Variants in MEI4 observed in about 807,000 individuals in gnomAD.
MEI4 encodes the protein meiotic double-stranded break formation protein 4, also known as meiosis-specific protein MEI4.
MEI4 carries 27 observed loss-of-function variants against 31.4 expected under a neutral mutation model. The ratio of observed to expected loss-of-function variants is 0.86; its 90% CI spans 0.63 to 1.19. The LOEUF (loss-of-function observed/expected upper bound fraction) is 1.19, where lower values mean the gene tolerates loss of function less well. Ranked by LOEUF, MEI4 falls within the 50% of genes most tolerant of loss-of-function variation. MEI4 has a pLI of 0.00. For synonymous variants in MEI4, 122 were observed against 145.4 expected (o/e 0.84, Z 1.16); for missense variants, 329 against 398.9 (o/e 0.82, Z 1.49).
intron 3 of MEI4, among the ~76,000 whole-genome samples, chr6:77,793,685 A>G (rs1477327031): frequency 1.3e-5 from 2 of 152,202 alleles, no homozygotes; most frequent in African/African-American, 4.8e-5. Flanking sequence ...AAGTCAGTGT[A>G]ATTTTTGTAT....
intron 4 of MEI4, among the ~76,000 whole-genome samples, chr6:77,892,029 A>ACTG (rs1184785057): frequency 6.6e-6 from 1 of 152,192 alleles, no homozygotes; most frequent in African/African-American, 2.4e-5. Flanking sequence ...GCCCCCAGGC[A>ACTG]GTGTCCACTG....
intron 3 of MEI4, among the ~76,000 whole-genome samples, chr6:77,801,574 G>T (rs1319009467): frequency 4.6e-5 from 7 of 151,672 alleles, no homozygotes; most frequent in South Asian, 2.1e-4. Context: ...TTTTAATTGT[G>T]ATGTTAGGGT....
rs976711433 is a variant in MEI4 at position 77,886,658 on chromosome 6, C to T, written c.901-36431C>T. Among the ~76,000 whole-genome samples, 3 of 152,094 alleles carry T rather than the reference C, an allele frequency of 2.0e-5. No individual in the cohort carries two copies. In the East Asian group the frequency reaches 5.8e-4, roughly 29 times the overall value. ...ATGTTGGCCAGGCTGGTCTTGAACT[C>T]CCAACCTCAAGTGATCTGCCTACTT... On this transcript the variant is annotated intron_variant, in intron 4 of 4. Transcript: ENST00000684080.
chr6:77,665,363 G>A (rs557687578), intron 1 of MEI4, among the ~76,000 whole-genome samples: 9 of 152,014 alleles, frequency 5.9e-5, no homozygotes, highest in East Asian at 3.9e-4. Context: ...CCAGAAAAGC[G>A]GGACTTGCCG....
At chr6:77,712,808 A>G (rs979024475) in intron 2 of MEI4, among the ~76,000 whole-genome samples, 2 of 152,006 alleles carry the variant, frequency 1.3e-5, no homozygotes, top group Non-Finnish European at 2.9e-5. Flanking sequence ...CGTCTCTACT[A>G]AAAATACAAA....
At chr6:77,829,506 T>C (rs1770029204) in intron 4 of MEI4, among the ~76,000 whole-genome samples, 1 of 152,160 alleles carries the variant, frequency 6.6e-6, no homozygotes, top group Non-Finnish European at 1.5e-5. Flanking sequence ...ATGCCAATCC[T>C]ATTATTACAT....
Position 77,828,956 on chromosome 6 carries a change from A to G in MEI4, c.794A>G (p.Gln265Arg), listed in dbSNP as rs1582190961. ...TTTCAGGTGCAGCATTATGTCTCTCAGAGTCTGGTTACCTTGGGAAATTGC... is the reference window on the plus strand; with the variant it reads ...TTTCAGGTGCAGCATTATGTCTCTCGGAGTCTGGTTACCTTGGGAAATTGC... The part of the protein sequence containing the change: ...NQFQVQHYVS[Q>R]SLVTLGNCSL... The change falls in exon 4 of 5, where the codon CAG becomes CGG. Residue 265 changes from glutamine (Q) to arginine (R), a missense_variant. By Grantham distance (43) the Gln-to-Arg change is conservative. Transcript: ENST00000684080. The G allele has an allele frequency of 2.4e-6, 3 of 1,232,236 alleles. No homozygotes were observed. The highest frequency in any genetic ancestry group is 3.0e-6 in the Non-Finnish European group (3 of 987,948). The allele number at this position is 1,232,236 out of a possible 1,614,324, so 76.3% of individuals were successfully genotyped here. A position where few individuals can be genotyped will look rare whatever the true frequency, so the allele number is the denominator to read the frequency against.
At chr6:77,758,786 GT>G (rs936105893) in intron 2 of MEI4, among the ~76,000 whole-genome samples, 1 of 152,124 alleles carries the variant, frequency 6.6e-6, no homozygotes, top group Middle Eastern at 3.4e-3. Context: ...TATCCATTGT[GT>G]TTTTTTATTT....
intron 1 of MEI4, among the ~76,000 whole-genome samples, chr6:77,683,476 C>T (rs942950783): frequency 3.9e-5 from 6 of 152,060 alleles, no homozygotes; most frequent in African/African-American, 9.7e-5. Context: ...AACTATGTCA[C>T]CATGTTGTAC....
chr6:77,669,617 G>T (rs1256825436), intron 1 of MEI4, among the ~76,000 whole-genome samples: 2 of 151,400 alleles, frequency 1.3e-5, no homozygotes, highest in Non-Finnish European at 2.9e-5. Context: ...CAGAGAGAGG[G>T]AAACAAATTT....
At chr6:77,728,547 G>C (rs1438955177) in intron 2 of MEI4, among the ~76,000 whole-genome samples, 1 of 152,182 alleles carries the variant, frequency 6.6e-6, no homozygotes, top group Non-Finnish European at 1.5e-5. Flanking sequence ...AAGTAAACCT[G>C]TAAGCAAGAA....
At chr6:77,744,493 T>G (rs1030278694) in intron 2 of MEI4, among the ~76,000 whole-genome samples, 3 of 151,360 alleles carry the variant, frequency 2.0e-5, no homozygotes, top group African/African-American at 2.4e-5. Context: ...CTACGTCTGA[T>G]TGGTGTACCT....
At chr6:77,735,067 G>T (rs147184590) in intron 2 of MEI4, among the ~76,000 whole-genome samples, 83 of 152,056 alleles carry the variant, frequency 5.5e-4, no homozygotes, top group Admixed American at 2.0e-3. Context: ...TGCCCTTAAC[G>T]TTTTTTCCTT....
intron 4 of MEI4, among the ~76,000 whole-genome samples, chr6:77,894,387 T>G (rs924708777): frequency 1.3e-5 from 2 of 151,900 alleles, no homozygotes; most frequent in Admixed American, 6.6e-5. Context: ...TTGATTGTAT[T>G]TTTTTTTAAA....
At position 77,726,748 on chromosome 6, in the gene MEI4, C is replaced by T. The variant is rs145405321; in HGVS notation, c.233-34382C>T. 2.4e-4 allele frequency among the ~76,000 whole-genome samples: 36 copies of T among 152,108 alleles called. No homozygotes were observed. In the East Asian group the frequency reaches 6.6e-3, roughly 28 times the overall value. On this transcript the variant is annotated intron_variant, in intron 2 of 4. Coordinates refer to ENST00000684080, the MANE Select transcript of MEI4 (RefSeq NM_001322247.2). The stretch of plus-strand genomic sequence containing the variant: ...TAGGAGAAGATAGGTGTATTCTAAG[C>T]ATGATGAGAAGAGAATGGACTAGGA...
chr6:77,732,386 A>G (rs1319044241), intron 2 of MEI4, among the ~76,000 whole-genome samples: 1 of 151,880 alleles, frequency 6.6e-6, no homozygotes. Context: ...TTCTCTTTGA[A>G]GCAATTGTGA....
chr6:77,878,400 T>G (rs988563387), intron 4 of MEI4, among the ~76,000 whole-genome samples: 23 of 152,074 alleles, frequency 1.5e-4, no homozygotes, highest in Admixed American at 6.6e-5. Context: ...AATTCACAAT[T>G]AATAACAAAC....
chr6:77,698,577 A>T (rs1280215526), intron 2 of MEI4, among the ~76,000 whole-genome samples: 1 of 152,160 alleles, frequency 6.6e-6, no homozygotes, highest in Non-Finnish European at 1.5e-5. Flanking sequence ...CTTTTCTTTA[A>T]GAATGTTGAA....
chr6:77,727,849 A>G (rs1766866234), intron 2 of MEI4, among the ~76,000 whole-genome samples: 2 of 152,238 alleles, frequency 1.3e-5, no homozygotes, highest in Admixed American at 6.5e-5. Flanking sequence ...CTGGAGAAGC[A>G]GCTCAGACTT....
Sources: allele counts gnomAD v4.1 joint callset (sites outside exome capture counted in the v4.1 genomes callset), GRCh38; gene constraint gnomAD v4.1.1; transcripts MANE v1.5; gene names NCBI Gene and HGNC (gene_info 2026-07-23, HGNC 2026-07-21).